Variants in MAMDC2 observed in about 807,000 individuals in gnomAD.
MAMDC2 encodes the protein MAM domain-containing protein 2.
MAMDC2 carries 57 observed loss-of-function variants against 89.8 expected under a neutral mutation model. The ratio of observed to expected loss-of-function variants is 0.63; its 90% confidence interval spans 0.51 to 0.79. The LOEUF (loss-of-function observed/expected upper bound fraction) is 0.79, where lower values mean the gene tolerates loss of function less well. Ranked by LOEUF, MAMDC2 falls within the 30% of genes least tolerant of loss-of-function variation. MAMDC2 has a pLI of 0.00. For missense variants in MAMDC2, 800 were observed against 820.6 expected (o/e 0.97, Z 0.31); for synonymous variants, 313 against 293.4 (o/e 1.07, Z -0.68).
At chr9:70,090,692 A>T (rs1339110661) in intron 2 of MAMDC2, 1 of 152,186 alleles carries the variant, frequency 6.6e-6, no homozygotes, top group Admixed American at 6.5e-5. Flanking sequence ...AAAGTGTGGG[A>T]ACATTTAGCC....
At chr9:70,210,555 A>G (rs2033333287) in intron 11 of MAMDC2, among the ~76,000 whole-genome samples, 1 of 152,172 alleles carries the variant, frequency 6.6e-6, no homozygotes, top group Non-Finnish European at 1.5e-5. Context: ...TTTCCTGAAT[A>G]CAGCACACTG....
intron 2 of MAMDC2, among the ~76,000 whole-genome samples, chr9:70,095,090 G>T (rs1207239486): frequency 6.6e-6 from 1 of 152,200 alleles, no homozygotes; most frequent in Non-Finnish European, 1.5e-5. Context: ...ACAGCATGTG[G>T]GAAGGCCTGA....
chr9:70,211,334 T>C (rs1482460704), intron 11 of MAMDC2, among the ~76,000 whole-genome samples: 1 of 152,118 alleles, frequency 6.6e-6, no homozygotes, highest in East Asian at 1.9e-4. Context: ...CTTTTCACTC[T>C]TTTTTTCTCT....
chr9:70,050,622 A>T (rs1826872171), intron 2 of MAMDC2, among the ~76,000 whole-genome samples: 1 of 152,206 alleles, frequency 6.6e-6, no homozygotes, highest in African/African-American at 2.4e-5. Context: ...ATGTAACCTG[A>T]TGTTATTCTT....
chr9:70,094,730 C>A (rs1271967125), intron 2 of MAMDC2, among the ~76,000 whole-genome samples: 1 of 152,140 alleles, frequency 6.6e-6, no homozygotes, highest in East Asian at 1.9e-4. Context: ...TACTAGGAGA[C>A]AGGCAGATAT....
chr9:70,055,466 T>C (rs1400595036), intron 2 of MAMDC2, among the ~76,000 whole-genome samples: 1 of 151,918 alleles, frequency 6.6e-6, no homozygotes. Context: ...TCACTTGGAG[T>C]TGGATGATGC....
chr9:70,157,366 T>A (rs1235216832), intron 9 of MAMDC2: 1 of 152,218 alleles, frequency 6.6e-6, no homozygotes, highest in East Asian at 1.9e-4. Flanking sequence ...CAATTAGAAA[T>A]TGACAATTCA....
rs201378945 is a variant in MAMDC2, at chr9:70,143,648, T to A, written c.1233T>A (p.Cys411Ter). The A allele has an allele frequency of 6.2e-7, 1 of 1,614,214 alleles. No homozygotes were observed. Among genetic ancestry groups the A allele is most frequent in the South Asian group, 1.1e-5 (1 of 91,084 alleles). ...GPSLPGNLQY[C>*]LRFHYAIYGF... ...CCCTACCAGGAAACTTGCAGTATTG[T>A]CTGCGTTTTCATTATGCCATCTATG... The change falls in exon 9 of 14, where the codon TGT (cysteine) becomes TGA (stop). Residue 411 changes from cysteine to a stop codon, truncating the protein, a stop_gained. Transcript: ENST00000377182. LOFTEE classifies it high-confidence loss of function.
intron 11 of MAMDC2, among the ~76,000 whole-genome samples, chr9:70,187,681 A>C (rs187226156): frequency 1.4e-3 from 216 of 152,078 alleles, no homozygotes; most frequent in African/African-American, 5.0e-3. Context: ...GTCTATATAG[A>C]TTTGCCCATC....
intron 12 of MAMDC2, among the ~76,000 whole-genome samples, chr9:70,221,402 G>A (rs868273878): frequency 9.6e-6 from 1 of 104,586 alleles, no homozygotes; most frequent in African/African-American, 3.7e-5. Flanking sequence ...GAGAGAGAGA[G>A]AGAGAGTAAC....
At chr9:70,206,796 C>A (rs372125015) in intron 11 of MAMDC2, among the ~76,000 whole-genome samples, 1 of 152,160 alleles carries the variant, frequency 6.6e-6, no homozygotes, top group Non-Finnish European at 1.5e-5. Flanking sequence ...CACCCCACCA[C>A]AGGCCCCGGT....
At chr9:70,194,774 G>A (rs560002857) in intron 11 of MAMDC2, among the ~76,000 whole-genome samples, 2 of 152,108 alleles carry the variant, frequency 1.3e-5, no homozygotes, top group African/African-American at 4.8e-5. Flanking sequence ...GTTTATCTCT[G>A]GAGTATTTTC....
In MAMDC2 at chr9:70,218,485, T is replaced by C; in HGVS notation, c.1800T>C (p.Tyr600=). 2 of 1,614,142 alleles carry C rather than the reference T, an allele frequency of 1.2e-6. No homozygotes were observed. The highest frequency in any genetic ancestry group is 1.7e-6 in the Non-Finnish European group (2 of 1,180,028). Residue 600 remains tyrosine, a synonymous_variant, in exon 12 of 14, where the codon TAT becomes TAC. Coordinates refer to ENST00000377182, the MANE Select transcript of MAMDC2 (RefSeq NM_153267.5). The part of the protein sequence containing the change: ...YGGGTGLLSV[Y]LKKEEDSEES... ...GGGGCACTGGCCTGCTGAGTGTTTA[T>C]CTGAAAAAGGAAGAAGACAGTGAAG...
At chr9:70,162,185 G>T (rs2031996544) in intron 9 of MAMDC2, among the ~76,000 whole-genome samples, 1 of 152,138 alleles carries the variant, frequency 6.6e-6, no homozygotes, top group African/African-American at 2.4e-5. Flanking sequence ...GCAGGTCATG[G>T]AATCTACTCT....
intron 7 of MAMDC2, among the ~76,000 whole-genome samples, chr9:70,136,203 T>G (rs971332540): frequency 2.0e-5 from 3 of 152,142 alleles, no homozygotes; most frequent in African/African-American, 4.8e-5. Flanking sequence ...TCACCTCTCC[T>G]TCCCCCAAAC....
chr9:70,208,534 C>A (rs1027875644), intron 11 of MAMDC2, among the ~76,000 whole-genome samples: 5 of 152,150 alleles, frequency 3.3e-5, no homozygotes, highest in Non-Finnish European at 7.4e-5. Flanking sequence ...ATATTTTGGG[C>A]TGAGATGATG....
chr9:70,115,792 A>C (rs1046833399), intron 5 of MAMDC2, among the ~76,000 whole-genome samples: 1 of 152,358 alleles, frequency 6.6e-6, no homozygotes, highest in East Asian at 1.9e-4. Flanking sequence ...AAAGTAATCC[A>C]TGAATCTGCA....
At chr9:70,179,873 C>T (rs199500792) in intron 11 of MAMDC2, among the ~76,000 whole-genome samples, 3 of 135,830 alleles carry the variant, frequency 2.2e-5, no homozygotes, top group African/African-American at 5.5e-5. Context: ...TAAAATATTC[C>T]TTTTTTTTTT....
At chr9:70,218,741 A>G in intron 12 of MAMDC2, 145 bp downstream of exon 12, 1 of 880,694 alleles carries the variant, frequency 1.1e-6, no homozygotes. Context: ...AAACATAATT[A>G]GTCTATACAT....
Sources: gnomAD v4.1 joint callset for allele counts (sites outside exome capture counted in the v4.1 genomes callset) on GRCh38, gnomAD v4.1.1 for gene constraint, MANE v1.5 for transcripts, NCBI Gene and HGNC (gene_info 2026-07-23, HGNC 2026-07-21) for gene names.